FSTL4: variants seen among roughly 807,000 people sequenced by gnomAD.
FSTL4 encodes follistatin like 4.
Under a neutral mutation model 78.2 loss-of-function variants are expected in FSTL4, and 28 were observed. The observed-to-expected ratio is 0.36, with a 90% CI of 0.27 to 0.49. The LOEUF (loss-of-function observed/expected upper bound fraction) is 0.49. FSTL4 is among the 20% of genes least tolerant of loss of function. The pLI is 0.98. For missense variants in FSTL4, 922 were observed against 1,084.9 expected, an observed-to-expected ratio of 0.85 and a Z score of 2.11; for synonymous variants, 422 against 440.5, an observed-to-expected ratio of 0.96 and a Z score of 0.53.
At chr5:133,489,876 A>G (rs1250650995) in intron 3 of FSTL4, among the ~76,000 whole-genome samples, 1 of 152,182 alleles carries the variant, frequency 6.6e-6, no homozygotes, top group Non-Finnish European at 1.5e-5. Context: ...TAGCCCTGAA[A>G]GCCAGCCTCC....
the FSTL4 span, among the ~76,000 whole-genome samples, chr5:133,639,804 C>G: frequency 0.73 from 110,889 of 152,140 alleles, 40,683 homozygotes; most frequent in African/African-American, 0.81. Flanking sequence ...GCTACCAGCT[C>G]GGGGTTGAGC....
chr5:133,719,457 G>T, the FSTL4 span, among the ~76,000 whole-genome samples: 1 of 152,054 alleles, frequency 6.6e-6, no homozygotes, highest in Non-Finnish European at 1.5e-5. Context: ...ATCACCTGAG[G>T]TCGGGAGTTC....
intron 6 of FSTL4, among the ~76,000 whole-genome samples, chr5:133,298,572 A>G (rs566514245): frequency 6.6e-6 from 1 of 152,300 alleles, no homozygotes; most frequent in African/African-American, 2.4e-5. Flanking sequence ...TGTTGCTTCA[A>G]TTTGGGGCGT....
chr5:133,757,285 G>A, the FSTL4 span, among the ~76,000 whole-genome samples: 1 of 152,268 alleles, frequency 6.6e-6, no homozygotes, highest in South Asian at 2.1e-4. Context: ...TCATTTCAGT[G>A]TATAATCAAT....
At chr5:133,567,240 T>C (rs369846227) in intron 2 of FSTL4, 21 bp from the exon 3 acceptor site, 7 of 1,585,066 alleles carry the variant, frequency 4.4e-6, no homozygotes, top group Middle Eastern at 1.7e-4. Flanking sequence ...AGAAAGACTT[T>C]GTGTTTTCTG....
the FSTL4 span, among the ~76,000 whole-genome samples, chr5:133,639,256 A>G: frequency 6.6e-6 from 1 of 152,214 alleles, no homozygotes; most frequent in Non-Finnish European, 1.5e-5. Context: ...TTAAACAATG[A>G]GAACACAGGG....
chr5:133,742,271 C>G, the FSTL4 span, among the ~76,000 whole-genome samples: 1 of 152,182 alleles, frequency 6.6e-6, no homozygotes, highest in Non-Finnish European at 1.5e-5. Context: ...CCAGGTACAC[C>G]CAGCCACCAT....
intron 3 of FSTL4, among the ~76,000 whole-genome samples, chr5:133,480,662 G>A (rs1758008548): frequency 6.6e-6 from 1 of 151,670 alleles, no homozygotes; most frequent in South Asian, 2.1e-4. Flanking sequence ...GATCTCCTCT[G>A]CCTCAATGTT....
At chr5:133,802,153 CT>C in the FSTL4 span, among the ~76,000 whole-genome samples, 1 of 152,230 alleles carries the variant, frequency 6.6e-6, no homozygotes, top group African/African-American at 2.4e-5. Context: ...CCCCGGTGGA[CT>C]TTTAAACTCT....
chr5:133,498,972 C>A (rs1758429336), intron 3 of FSTL4, among the ~76,000 whole-genome samples: 1 of 150,814 alleles, frequency 6.6e-6, no homozygotes, highest in Non-Finnish European at 1.5e-5. Context: ...ATCCCAAAGG[C>A]CACCATGTTT....
At chr5:133,537,868 T>C (rs558863829) in intron 3 of FSTL4, among the ~76,000 whole-genome samples, 3 of 152,064 alleles carry the variant, frequency 2.0e-5, no homozygotes, top group African/African-American at 7.2e-5. Flanking sequence ...CACACATATA[T>C]ATATAAATAT....
At chr5:133,456,947 C>T (rs1156988789) in intron 3 of FSTL4, among the ~76,000 whole-genome samples, 2 of 151,670 alleles carry the variant, frequency 1.3e-5, no homozygotes, top group Non-Finnish European at 2.9e-5. Context: ...GAATTTTTGC[C>T]CTTCAGATCT....
At position 133,524,929 on chromosome 5, in the gene FSTL4, TA is replaced by T. The variant is rs1218488008; in HGVS notation, c.160+42256del. Reference sequence around the variant, plus strand: ...CTCCTCACAGCCCTTTGGAGTCACCTAATCTTGCTAATATGTCTGTAAATGC... The same window carrying T: ...CTCCTCACAGCCCTTTGGAGTCACCTATCTTGCTAATATGTCTGTAAATGC... On this transcript the variant is annotated intron_variant, in intron 3 of 15. Transcript: ENST00000265342. Among the ~76,000 whole-genome samples the T allele has an allele frequency of 2.0e-5, 3 of 152,114 alleles. No individual in the cohort carries two copies. The East Asian group carries it at 5.8e-4, about 29-fold the overall frequency.
At chr5:133,224,822 C>T (rs886883195) in intron 10 of FSTL4, among the ~76,000 whole-genome samples, 3 of 152,154 alleles carry the variant, frequency 2.0e-5, no homozygotes, top group African/African-American at 4.8e-5. Flanking sequence ...TGGGACATCA[C>T]GTGGATGAAG....
intron 4 of FSTL4, among the ~76,000 whole-genome samples, chr5:133,378,607 G>T (rs1014772411): frequency 6.6e-6 from 1 of 152,018 alleles, no homozygotes; most frequent in South Asian, 2.1e-4. Flanking sequence ...TTTATTTTGT[G>T]TAACAGTAAT....
intron 3 of FSTL4, among the ~76,000 whole-genome samples, chr5:133,433,789 G>A (rs1756985760): frequency 6.6e-6 from 1 of 152,156 alleles, no homozygotes; most frequent in Non-Finnish European, 1.5e-5. Context: ...AGAGCTGGGG[G>A]AAGCACGGCA....
At chr5:133,354,269 T>G (rs1465894821) in intron 4 of FSTL4, among the ~76,000 whole-genome samples, 4 of 152,132 alleles carry the variant, frequency 2.6e-5, no homozygotes, top group African/African-American at 9.7e-5. Context: ...GGGGCTAGAA[T>G]GACACACGCA....
chr5:133,302,038 G>C (rs535388226), intron 6 of FSTL4, among the ~76,000 whole-genome samples: 1 of 151,914 alleles, frequency 6.6e-6, no homozygotes, highest in Non-Finnish European at 1.5e-5. Flanking sequence ...TACCTGTGCT[G>C]AGTCCAGCCT....
intron 3 of FSTL4, among the ~76,000 whole-genome samples, chr5:133,424,532 C>G (rs938514484): frequency 6.6e-6 from 1 of 152,198 alleles, no homozygotes; most frequent in Non-Finnish European, 1.5e-5. Context: ...TCCAGGGGCA[C>G]CTGGGTTCTC....
Sources: gnomAD v4.1 joint callset for allele counts (sites outside exome capture counted in the v4.1 genomes callset) on GRCh38, gnomAD v4.1.1 for gene constraint, MANE v1.5 for transcripts, NCBI Gene and HGNC (gene_info 2026-07-23, HGNC 2026-07-21) for gene names.